The following EVI5 variants were observed in gnomAD, a reference collection of about 807,000 sequenced individuals.
EVI5 encodes ecotropic viral integration site 5 protein homolog.
In EVI5, 73 loss-of-function variants were observed where a neutral mutation model predicts 112.0. That is an observed-to-expected ratio of 0.65 (90% CI 0.54 to 0.79). EVI5 has a LOEUF of 0.79. EVI5 is among the 30% of genes least tolerant of loss of function. EVI5 has a pLI of 0.00. For missense variants in EVI5, 900 were observed against 968.8 expected, an observed-to-expected ratio of 0.93 and a Z score of 0.94; for synonymous variants, 305 against 319.9, an observed-to-expected ratio of 0.95 and a Z score of 0.50.
intron 18 of EVI5, among the ~76,000 whole-genome samples, chr1:92,582,776 C>T (rs1178939083): frequency 6.6e-6 from 1 of 151,612 alleles, no homozygotes; most frequent in Non-Finnish European, 1.5e-5. Context: ...TTTCTAGCAA[C>T]AGTTACTTTA....
rs766446908 is a variant in EVI5, at chr1:92,624,320, A to G, written c.1683T>C (p.Arg561=). The G allele has an allele frequency of 3.1e-6, 5 of 1,613,538 alleles. No homozygotes were observed. Among genetic ancestry groups the G allele is most frequent in the Non-Finnish European group, 4.2e-6 (5 of 1,179,572 alleles). Residue 561 remains arginine, a synonymous_variant, in exon 16 of 20, where the codon CGT becomes CGC. Transcript: ENST00000684568. ...LEEHWQRHLA[R]TTGRWKDPPK... ...GTGGGTCTTTCCATCTCCCAGTAGTACGAGCTAAGTGGCGCTAAAGCATAA... is the reference window on the plus strand; with the variant it reads ...GTGGGTCTTTCCATCTCCCAGTAGTGCGAGCTAAGTGGCGCTAAAGCATAA...
chr1:92,737,698 C>CA (rs1677677920), intron 1 of EVI5, among the ~76,000 whole-genome samples: 2 of 152,106 alleles, frequency 1.3e-5, no homozygotes, highest in South Asian at 4.1e-4. Context: ...CTCCTGCCCT[C>CA]AATATATACA....
chr1:92,594,552 C>A (rs1435675288), intron 18 of EVI5, among the ~76,000 whole-genome samples: 1 of 150,350 alleles, frequency 6.7e-6, no homozygotes, highest in African/African-American at 2.5e-5. Context: ...CAACAAAAGC[C>A]AAAATTGACA....
upstream of EVI5, among the ~76,000 whole-genome samples, chr1:92,785,633 CG>C (rs1029010704): frequency 3.3e-5 from 5 of 152,190 alleles, no homozygotes; most frequent in African/African-American, 1.2e-4. Context: ...GGCACGAATA[CG>C]TAAGATTCAG....
chr1:92,695,395 T>C lies in EVI5; in HGVS notation c.824A>G (p.Tyr275Cys), dbSNP rs201908785. ...GATAGTCAGAAACCAGGATGATGCA[T>C]ACATTGAGGTATGAAAACTCTGAGA... ...FQSQSFHTSM[Y>C]ASSWFLTIFL... Residue 275 changes from tyrosine (Y) to cysteine (C), a missense_variant, in exon 7 of 20, where the codon TAT (tyrosine) becomes TGT (cysteine). Tyr to Cys is a radical substitution (Grantham distance 194, BLOSUM62 -2). Coordinates refer to ENST00000684568, the MANE Select transcript of EVI5 (RefSeq NM_001350197.2). The C allele has an allele frequency of 8.7e-6, 14 of 1,605,408 alleles. No homozygotes were observed. Among genetic ancestry groups the C allele is most frequent in the East Asian group, 6.7e-5 (3 of 44,822 alleles).
chr1:92,697,555 A>G (rs866081787), intron 6 of EVI5, among the ~76,000 whole-genome samples: 13 of 152,232 alleles, frequency 8.5e-5, no homozygotes, highest in African/African-American at 3.1e-4. Flanking sequence ...AAGAGAGCTT[A>G]GACTACGTAA....
intron 19 of EVI5, among the ~76,000 whole-genome samples, chr1:92,559,384 C>G (rs1477064745): frequency 6.6e-6 from 1 of 152,138 alleles, no homozygotes; most frequent in Non-Finnish European, 1.5e-5. Context: ...GCCACACTAG[C>G]ATTGTTTCTC....
intron 8 of EVI5, among the ~76,000 whole-genome samples, 166 bp from the exon 9 acceptor site, chr1:92,694,065 C>T (rs964975930): frequency 6.6e-6 from 1 of 152,040 alleles, no homozygotes; most frequent in African/African-American, 2.4e-5. Context: ...AGTTCAAGAC[C>T]AGCCTGGCCA....
intron 9 of EVI5, among the ~76,000 whole-genome samples, chr1:92,692,966 T>C (rs1669732866): frequency 6.6e-6 from 1 of 152,208 alleles, no homozygotes. Flanking sequence ...ATACACTTAA[T>C]CTGTTTCAAA....
rs1299068808 is a variant in EVI5, at chr1:92,511,605, AG to A, written c.*2050del. 15 of 152,244 alleles carry A rather than the reference AG, an allele frequency of 9.9e-5. No individual in the cohort carries two copies. The highest frequency in any genetic ancestry group is 3.6e-4 in the African/African-American group (15 of 41,414). 9.4% of individuals were successfully genotyped at this position (152,244 alleles called of 1,614,324 possible). A position where few individuals can be genotyped will look rare whatever the true frequency, so the allele number is the denominator to read the frequency against. On this transcript the variant is annotated 3_prime_UTR_variant, in exon 20 of 20. Transcript: ENST00000684568. Reference sequence around the variant, plus strand: ...TCCCCACACTTTGGGAGGCTGAGGCAGGAGGACCACTTGAGGCCAGGAGTTC... The same window carrying A: ...TCCCCACACTTTGGGAGGCTGAGGCAGAGGACCACTTGAGGCCAGGAGTTC...
At chr1:92,557,240 T>C (rs1280317340) in intron 19 of EVI5, among the ~76,000 whole-genome samples, 12 of 152,138 alleles carry the variant, frequency 7.9e-5, no homozygotes, top group Non-Finnish European at 5.9e-5. Flanking sequence ...TAGTTCTTTT[T>C]TTTTTCCAGC....
chr1:92,717,745 C>G (rs1182766676), intron 2 of EVI5, among the ~76,000 whole-genome samples: 1 of 152,012 alleles, frequency 6.6e-6, no homozygotes, highest in East Asian at 1.9e-4. Context: ...AAGACACAGA[C>G]TGGCAAATTA....
chr1:92,711,084 T>G (rs1461096349), intron 2 of EVI5, among the ~76,000 whole-genome samples: 1 of 152,116 alleles, frequency 6.6e-6, no homozygotes, highest in Non-Finnish European at 1.5e-5. Flanking sequence ...TATGGCAGCA[T>G]GCAGATGATA....
At chr1:92,778,097 C>T (rs1476397663) in intron 1 of EVI5, among the ~76,000 whole-genome samples, 9 of 151,866 alleles carry the variant, frequency 5.9e-5, no homozygotes, top group African/African-American at 1.7e-4. Flanking sequence ...TTAGTAGAGA[C>T]GGGGTTTCAC....
chr1:92,763,608 C>T (rs1269976092), intron 1 of EVI5, among the ~76,000 whole-genome samples: 2 of 152,020 alleles, frequency 1.3e-5, no homozygotes, highest in African/African-American at 4.8e-5. Context: ...GAACAAGACT[C>T]TGTCTTTAAA....
chr1:92,556,655 T>A (rs371832211), intron 19 of EVI5, among the ~76,000 whole-genome samples: 1 of 152,156 alleles, frequency 6.6e-6, no homozygotes, highest in Admixed American at 6.5e-5. Flanking sequence ...AATTCCAGTT[T>A]AGTAACAAAA....
At chr1:92,545,484 G>A (rs1665534949) in intron 19 of EVI5, among the ~76,000 whole-genome samples, 1 of 151,022 alleles carries the variant, frequency 6.6e-6, no homozygotes, top group Non-Finnish European at 1.5e-5. Flanking sequence ...AAAGAAATAA[G>A]ACTTTTATAT....
intron 9 of EVI5, among the ~76,000 whole-genome samples, chr1:92,681,113 A>C (rs973059502): frequency 1.6e-4 from 24 of 152,192 alleles, no homozygotes; most frequent in African/African-American, 5.8e-4. Flanking sequence ...TTGGTCCAAA[A>C]GTAACTGGTT....
chr1:92,652,786 T>C (rs891505301), intron 13 of EVI5, among the ~76,000 whole-genome samples: 1 of 152,166 alleles, frequency 6.6e-6, no homozygotes, highest in Non-Finnish European at 1.5e-5. Flanking sequence ...TACAAGTGAA[T>C]AACCATAATG....
Sources: allele counts gnomAD v4.1 joint callset (sites outside exome capture counted in the v4.1 genomes callset), GRCh38; gene constraint gnomAD v4.1.1; transcripts MANE v1.5; gene names NCBI Gene and HGNC (gene_info 2026-07-23, HGNC 2026-07-21).